ARL15: variants seen among roughly 807,000 people sequenced by gnomAD.
The protein encoded by ARL15 is ARF like GTPase 15.
In ARL15, 19 loss-of-function variants were observed where a neutral mutation model predicts 25.2. That is an observed-to-expected ratio of 0.75 (90% CI 0.53 to 1.10). ARL15 has a LOEUF of 1.10. Ranked by LOEUF, ARL15 falls within the 50% of genes least tolerant of loss-of-function variation. The probability of loss-of-function intolerance (pLI) is 0.00; values close to 1 mark genes in which losing one functional copy is unlikely to be tolerated. For synonymous variants in ARL15, 94 were observed against 86.8 expected, an observed-to-expected ratio of 1.08 and a Z score of -0.46; for missense variants, 220 against 246.0, an observed-to-expected ratio of 0.89 and a Z score of 0.71.
At chr5:54,112,108 G>A (rs892720877) in intron 4 of ARL15, among the ~76,000 whole-genome samples, 2 of 151,966 alleles carry the variant, frequency 1.3e-5, no homozygotes, top group Non-Finnish European at 2.9e-5. Context: ...TTGAATAATG[G>A]GTCCTTGCCT....
intron 1 of ARL15, among the ~76,000 whole-genome samples, chr5:54,309,318 T>G (rs563635725): frequency 6.6e-6 from 1 of 152,372 alleles, no homozygotes; most frequent in African/African-American, 2.4e-5. Flanking sequence ...ATTTTCTTTA[T>G]GTACACTAAA....
intron 1 of ARL15, among the ~76,000 whole-genome samples, chr5:54,306,186 A>C (rs1042289679): frequency 4.6e-5 from 7 of 152,176 alleles, no homozygotes; most frequent in African/African-American, 1.7e-4. Flanking sequence ...TTTGTTGAAT[A>C]GATAAATTAT....
chr5:53,974,554 A>C (rs1037524116), intron 4 of ARL15, among the ~76,000 whole-genome samples: 1 of 152,360 alleles, frequency 6.6e-6, no homozygotes, highest in African/African-American at 2.4e-5. Flanking sequence ...AAATAATGGC[A>C]GAATTCTAAA....
intron 3 of ARL15, among the ~76,000 whole-genome samples, chr5:54,129,077 C>T (rs1020882905): frequency 5.9e-5 from 9 of 152,032 alleles, no homozygotes; most frequent in African/African-American, 2.2e-4. Flanking sequence ...AATTTTATTA[C>T]CATCATTAGC....
intron 4 of ARL15, among the ~76,000 whole-genome samples, chr5:54,022,362 C>G (rs1749633005): frequency 1.3e-5 from 2 of 152,036 alleles, no homozygotes; most frequent in African/African-American, 4.8e-5. Context: ...TCTCTCATCT[C>G]TTGCCCCTCT....
intron 1 of ARL15, among the ~76,000 whole-genome samples, chr5:54,302,242 A>G (rs1165699906): frequency 6.6e-6 from 1 of 152,168 alleles, no homozygotes; most frequent in Non-Finnish European, 1.5e-5. Flanking sequence ...TCCTCTCAAC[A>G]ATTATTAATT....
At chr5:54,203,609 A>G (rs1356609865) in intron 1 of ARL15, among the ~76,000 whole-genome samples, 2 of 152,148 alleles carry the variant, frequency 1.3e-5, no homozygotes, top group Non-Finnish European at 2.9e-5. Context: ...ATTTTGGGAG[A>G]TCTCCATGTC....
intron 4 of ARL15, among the ~76,000 whole-genome samples, chr5:54,089,448 T>C (rs1211877068): frequency 6.6e-6 from 1 of 152,194 alleles, no homozygotes; most frequent in South Asian, 2.1e-4. Flanking sequence ...CCCATAATTA[T>C]GGAAAAGCAT....
At chr5:54,132,361 T>A (rs1753464296) in intron 3 of ARL15, among the ~76,000 whole-genome samples, 1 of 152,112 alleles carries the variant, frequency 6.6e-6, no homozygotes, top group African/African-American at 2.4e-5. Context: ...CTATTGAGTT[T>A]AAGACACTAC....
intron 1 of ARL15, among the ~76,000 whole-genome samples, chr5:54,188,681 T>C (rs1351083760): frequency 1.3e-5 from 2 of 152,138 alleles, no homozygotes; most frequent in African/African-American, 4.8e-5. Context: ...TTCTCTGATA[T>C]GTAAAAATCT....
At chr5:53,986,622 A>G (rs959909935) in intron 4 of ARL15, among the ~76,000 whole-genome samples, 2 of 152,226 alleles carry the variant, frequency 1.3e-5, no homozygotes, top group Non-Finnish European at 2.9e-5. Context: ...TCAGATGAGG[A>G]ACACGGAATT....
At chr5:53,959,171 T>G (rs1254414084) in intron 4 of ARL15, among the ~76,000 whole-genome samples, 1 of 152,184 alleles carries the variant, frequency 6.6e-6, no homozygotes, top group Non-Finnish European at 1.5e-5. Flanking sequence ...AAAACAAGTC[T>G]CAATAAATTT....
intron 2 of ARL15, among the ~76,000 whole-genome samples, chr5:54,167,526 T>C (rs1429642865): frequency 2.0e-5 from 3 of 152,208 alleles, no homozygotes; most frequent in African/African-American, 7.2e-5. Flanking sequence ...ATGAGCTGGT[T>C]GCTGTTGTTG....
chr5:53,893,987 A>T (rs1580055293), intron 4 of ARL15, among the ~76,000 whole-genome samples: 2 of 152,332 alleles, frequency 1.3e-5, no homozygotes, highest in Admixed American at 1.3e-4. Context: ...CAAATAAAAA[A>T]CCAACTTGCC....
chr5:54,138,450 G>A (rs536537614), intron 3 of ARL15, among the ~76,000 whole-genome samples: 1 of 152,276 alleles, frequency 6.6e-6, no homozygotes, highest in Admixed American at 6.5e-5. Context: ...AAACGGTGCT[G>A]GAAAACAAGA....
At chr5:54,167,815 C>T (rs1018575362) in intron 2 of ARL15, among the ~76,000 whole-genome samples, 6 of 152,150 alleles carry the variant, frequency 3.9e-5, no homozygotes, top group African/African-American at 1.4e-4. Flanking sequence ...CGATGGTCTA[C>T]CCCTCAATTC....
chr5:53,966,819 C>T (rs1046593071), intron 4 of ARL15, among the ~76,000 whole-genome samples: 5 of 152,134 alleles, frequency 3.3e-5, no homozygotes, highest in Non-Finnish European at 5.9e-5. Context: ...AATGCATCCC[C>T]GCAAATATGT....
At chr5:53,989,809 T>TTA (rs1748423023) in intron 4 of ARL15, among the ~76,000 whole-genome samples, 1 of 152,162 alleles carries the variant, frequency 6.6e-6, no homozygotes, top group Non-Finnish European at 1.5e-5. Context: ...TAATTAGTGT[T>TTA]TATAAAGAAT....
intron 4 of ARL15, among the ~76,000 whole-genome samples, chr5:54,016,702 C>T (rs891450226): frequency 6.6e-6 from 1 of 152,186 alleles, no homozygotes; most frequent in Non-Finnish European, 1.5e-5. Context: ...CTACAGACCT[C>T]GCTCAAATGC....
Sources: allele counts gnomAD v4.1 joint callset (sites outside exome capture counted in the v4.1 genomes callset), GRCh38; gene constraint gnomAD v4.1.1; transcripts MANE v1.5; gene names NCBI Gene and HGNC (gene_info 2026-07-23, HGNC 2026-07-21).